Variants in BAIAP2 observed in about 807,000 individuals in gnomAD.
BAIAP2 encodes the protein BAR/IMD domain containing adaptor protein 2.
Under a neutral mutation model 63.0 loss-of-function variants are expected in BAIAP2, and 18 were observed. The ratio of observed to expected loss-of-function variants is 0.29; its 90% CI spans 0.20 to 0.42. The LOEUF is 0.42. BAIAP2 is among the 10% of genes least tolerant of loss of function. BAIAP2 has a pLI of 1.00. For synonymous variants in BAIAP2, 386 were observed against 307.6 expected (o/e 1.25, Z -2.67); for missense variants, 610 against 734.3 (o/e 0.83, Z 1.96).
chr17:81,074,450 G>A (rs1031398066), intron 3 of BAIAP2, among the ~76,000 whole-genome samples: 13 of 151,780 alleles, frequency 8.6e-5, no homozygotes, highest in Non-Finnish European at 1.9e-4. Flanking sequence ...AAATACATGT[G>A]AGTGCCAGTG....
Position 81,103,979 on chromosome 17 carries a change from T to C in BAIAP2, c.937T>C (p.Trp313Arg). 1 of 1,613,106 alleles carries C rather than the reference T, an allele frequency of 6.2e-7. No homozygotes were observed. Among genetic ancestry groups the C allele is most frequent in the Non-Finnish European group, 8.5e-7 (1 of 1,180,022 alleles). ...TGPDGEDYSP[W>R]ADRKAAQPKS... ...CCCGGATGGCGAGGACTACAGCCCG[T>C]GGGCTGACCGCAAGGCTGCCCAGCC... The change falls in exon 9 of 14, where the codon TGG (tryptophan) becomes CGG (arginine). Residue 313 changes from tryptophan (W) to arginine (R), a missense_variant. Around this residue, in one of 5 missense-constraint regions of BAIAP2, gnomAD observed 389 missense variants for 455.6 expected, o/e 0.85. Transcript: ENST00000428708.
At chr17:81,036,987 T>C in intron 1 of BAIAP2, 1 of 1,522,266 alleles carries the variant, frequency 6.6e-7, no homozygotes, top group Non-Finnish European at 8.8e-7. Flanking sequence ...GGTTTTGCTC[T>C]GGGGGACCGA....
intron 2 of BAIAP2, among the ~76,000 whole-genome samples, chr17:81,055,461 C>T (rs1041738177): frequency 1.1e-4 from 17 of 152,340 alleles, no homozygotes; most frequent in Admixed American, 4.6e-4. Context: ...TTGTTTCTCT[C>T]CACCCTGCCC....
chr17:81,071,422 C>T (rs1484121507), intron 3 of BAIAP2, among the ~76,000 whole-genome samples: 1 of 152,204 alleles, frequency 6.6e-6, no homozygotes, highest in Non-Finnish European at 1.5e-5. Context: ...TGCCTTTGGG[C>T]TCTGGAAGCC....
At chr17:81,098,308 ACTCT>A in intron 6 of BAIAP2, 2 of 745,108 alleles carry the variant, frequency 2.7e-6, no homozygotes, top group Non-Finnish European at 3.7e-6. Context: ...CTTCTTCGCC[ACTCT>A]CTCCCCCAAA....
chr17:81,060,013 G>A (rs1374080098), intron 3 of BAIAP2, among the ~76,000 whole-genome samples: 4 of 152,192 alleles, frequency 2.6e-5, no homozygotes, highest in South Asian at 2.1e-4. Context: ...AGAGGGAGAC[G>A]TGAGGGCTCT....
chr17:81,108,695 C>T (rs1568190899), intron 13 of BAIAP2, 186 bp downstream of exon 13: 2 of 866,574 alleles, frequency 2.3e-6, no homozygotes. Context: ...CACGGGAACC[C>T]CCCTGGGCCC....
At chr17:81,081,498 CTT>C (rs2054597020) in intron 3 of BAIAP2, among the ~76,000 whole-genome samples, 1 of 152,204 alleles carries the variant, frequency 6.6e-6, no homozygotes. Context: ...GGTTCCCTCT[CTT>C]GTGGGGTCTG....
At chr17:81,082,162 C>T (rs951155295) in intron 3 of BAIAP2, among the ~76,000 whole-genome samples, 1 of 152,126 alleles carries the variant, frequency 6.6e-6, no homozygotes, top group African/African-American at 2.4e-5. Flanking sequence ...TAGCGGCATC[C>T]AGGGCGGCTG....
intron 6 of BAIAP2, among the ~76,000 whole-genome samples, chr17:81,099,411 C>CT (rs2058187521): frequency 6.6e-6 from 1 of 151,168 alleles, no homozygotes. Context: ...GGCTCCAGCT[C>CT]TCCTGCCTTT....
chr17:81,047,468 A>C (rs985967108), intron 1 of BAIAP2, among the ~76,000 whole-genome samples: 2 of 152,258 alleles, frequency 1.3e-5, no homozygotes, highest in Admixed American at 1.3e-4. Flanking sequence ...GCCTGGCCAC[A>C]CACAGACACA....
At chr17:81,108,387 T>C in intron 12 of BAIAP2, 88 bp from the exon 13 acceptor site, 2 of 1,441,050 alleles carry the variant, frequency 1.4e-6, no homozygotes, top group African/African-American at 1.4e-5. Flanking sequence ...CCAGGCAGGA[T>C]CACCATTTGT....
At chr17:81,064,288 G>A (rs555429249) in intron 3 of BAIAP2, among the ~76,000 whole-genome samples, 170 of 152,242 alleles carry the variant, frequency 1.1e-3, no homozygotes, top group Non-Finnish European at 1.9e-3. Flanking sequence ...GCCCACAGCC[G>A]GGGAGGTGGC....
rs549971790 is a variant in BAIAP2, at chr17:81,071,880, G to A, written c.218-12952G>A. On this transcript the variant is annotated intron_variant, in intron 3 of 13. Transcript: ENST00000428708. ...TGGGTGGCCGGTCCCCTCCTCCAGCGTGGCACGGAGGCGCCGGAGCATGCA... is the reference window on the plus strand; with the variant it reads ...TGGGTGGCCGGTCCCCTCCTCCAGCATGGCACGGAGGCGCCGGAGCATGCA... Among the ~76,000 whole-genome samples the A allele has an allele frequency of 1.1e-4, 17 of 152,354 alleles. No individual in the cohort carries two copies. In the South Asian group the frequency reaches 2.9e-3, roughly 26 times the overall value.
rs561197091 is a variant in BAIAP2, at chr17:81,095,825, A to G, written c.490-4103A>G. Reference sequence around the variant, plus strand: ...CCCAGCCATTTACGGGGCTCCTTTGAGTAAGTGGAAGACTTAAAAATAAAA... The same window carrying G: ...CCCAGCCATTTACGGGGCTCCTTTGGGTAAGTGGAAGACTTAAAAATAAAA... On this transcript the variant is annotated intron_variant, in intron 6 of 13. Coordinates refer to ENST00000428708, the MANE Select transcript of BAIAP2 (RefSeq NM_001144888.2). Among the ~76,000 whole-genome samples the G allele has an allele frequency of 1.8e-4, 27 of 152,192 alleles. 1 individual carries two copies. In the South Asian group the frequency reaches 5.4e-3, roughly 30 times the overall value.
chr17:81,090,801 T>C (rs2056594273), intron 6 of BAIAP2, among the ~76,000 whole-genome samples: 1 of 152,084 alleles, frequency 6.6e-6, no homozygotes, highest in Non-Finnish European at 1.5e-5. Context: ...CTGGCTGGGA[T>C]GTGCTGCCGG....
Position 81,036,647 on chromosome 17 carries a change from T to A in BAIAP2, c.54+1339T>A, listed in dbSNP as rs61148130. Among the ~76,000 whole-genome samples the A allele has an allele frequency of 3.1e-3, 475 of 152,334 alleles. 1 individual carries two copies. The highest frequency in any genetic ancestry group is 0.011 in the African/African-American group (457 of 41,574). ...GGTGTGCGGTCGACTAGATGAGTCCTAAAGCCACGTCGGAGCCACTGGGAA... is the reference window on the plus strand; with the variant it reads ...GGTGTGCGGTCGACTAGATGAGTCCAAAAGCCACGTCGGAGCCACTGGGAA... On this transcript the variant is annotated intron_variant, in intron 1 of 13. Transcript: ENST00000428708.
chr17:81,064,385 C>T (rs1170058562), intron 3 of BAIAP2, among the ~76,000 whole-genome samples: 1 of 152,192 alleles, frequency 6.6e-6, no homozygotes, highest in East Asian at 1.9e-4. Context: ...CCCGGCTAAT[C>T]ACTGTGGATG....
intron 1 of BAIAP2, chr17:81,037,059 C>A: frequency 9.9e-7 from 1 of 1,009,064 alleles, no homozygotes; most frequent in Non-Finnish European, 1.5e-6. Context: ...CTAGGTGAAG[C>A]TGTAATTTAT....
Sources: gnomAD v4.1 joint callset for allele counts (sites outside exome capture counted in the v4.1 genomes callset) on GRCh38, gnomAD v4.1.1 for gene constraint, gnomAD v4.1.1 regional missense constraint, MANE v1.5 for transcripts, NCBI Gene and HGNC (gene_info 2026-07-23, HGNC 2026-07-21) for gene names.